INTS14: variants seen among roughly 807,000 people sequenced by gnomAD.
The protein encoded by INTS14 is UPF0464 protein C15orf44.
In INTS14, 27 loss-of-function variants were observed where a neutral mutation model predicts 56.9. The ratio of observed to expected loss-of-function variants is 0.47; its 90% CI spans 0.35 to 0.65. INTS14 has a LOEUF of 0.65. Among genes scored for constraint, INTS14 ranks in the 30% least tolerant of loss-of-function variants. The pLI is 0.00. For missense variants in INTS14, 517 were observed against 632.2 expected (o/e 0.82, Z 1.95); for synonymous variants, 207 against 236.2 (o/e 0.88, Z 1.13).
At chr15:65,582,380 T>C (rs34571450) in intron 10 of INTS14, among the ~76,000 whole-genome samples, 31,249 of 152,088 alleles carry the variant, frequency 0.21, 4,266 homozygotes, top group East Asian at 0.73. Flanking sequence ...AAGAATAAAG[T>C]TGGACCCTTA....
chr15:65,592,857 T>C (rs2073077624), intron 8 of INTS14, among the ~76,000 whole-genome samples: 1 of 151,858 alleles, frequency 6.6e-6, no homozygotes, highest in Non-Finnish European at 1.5e-5. Context: ...GTATTCTAGA[T>C]AGGATTAGAA....
chr15:65,579,524 G>C lies in INTS14; in HGVS notation c.1441C>G (p.His481Asp). ...AHPDAAFQLTHAAQQLKLAST... is the reference protein window; with the variant it reads ...AHPDAAFQLTDAAQQLKLAST... ...GCCAGCTTGAGCTGCTGGGCAGCAT[G>C]GGTCAGCTGGAATGCAGCATCAGGG... Residue 481 changes from histidine to aspartate, a missense_variant, in exon 12 of 12, where the codon CAT becomes GAT. Transcript: ENST00000313182. The C allele has an allele frequency of 1.2e-6, 2 of 1,614,222 alleles. No individual in the cohort carries two copies. The highest frequency in any genetic ancestry group is 1.7e-6 in the Non-Finnish European group (2 of 1,180,036).
At chr15:65,583,604 A>G (rs1176245850) in intron 10 of INTS14, among the ~76,000 whole-genome samples, 3 of 152,150 alleles carry the variant, frequency 2.0e-5, no homozygotes, top group African/African-American at 7.2e-5. Flanking sequence ...GGAACTAGAG[A>G]GTGGTGATGG....
At chr15:65,584,711 G>T in intron 10 of INTS14, 59 bp downstream of exon 10, 2 of 1,405,588 alleles carry the variant, frequency 1.4e-6, no homozygotes, top group Non-Finnish European at 2.0e-6. Flanking sequence ...TAAAATGCCT[G>T]CCTGCCTACC....
At chr15:65,598,553 G>A (rs181735936) in intron 5 of INTS14, 90 bp from the exon 6 acceptor site, 14 of 1,345,590 alleles carry the variant, frequency 1.0e-5, no homozygotes, top group South Asian at 1.5e-5. Flanking sequence ...TTCCTTTCAA[G>A]TTGGTTCCAA....
chr15:65,610,233 G>A (rs907678479), intron 1 of INTS14, among the ~76,000 whole-genome samples: 1 of 152,118 alleles, frequency 6.6e-6, no homozygotes, highest in Admixed American at 6.5e-5. Context: ...GGTGGCGTGC[G>A]CCTGTGGTTC....
chr15:65,590,786 T>G (rs1485093508), intron 9 of INTS14, among the ~76,000 whole-genome samples: 1 of 152,172 alleles, frequency 6.6e-6, no homozygotes, highest in Non-Finnish European at 1.5e-5. Flanking sequence ...GGTTGCTTGG[T>G]AGATGTTCCT....
chr15:65,596,728 G>A (rs1310226887), intron 6 of INTS14, among the ~76,000 whole-genome samples: 1 of 152,038 alleles, frequency 6.6e-6, no homozygotes, highest in Non-Finnish European at 1.5e-5. Context: ...GTGCCACCAC[G>A]CCTGGCTAAT....
intron 9 of INTS14, among the ~76,000 whole-genome samples, chr15:65,587,335 G>A (rs1251144789): frequency 6.6e-6 from 1 of 151,660 alleles, no homozygotes; most frequent in Non-Finnish European, 1.5e-5. Context: ...GCAGGAGGAT[G>A]GGAGATGACG....
chr15:65,596,933 T>C lies in INTS14; in HGVS notation c.749-1108A>G, dbSNP rs182492707. ...GTCCATACCTCCCTTAGCTGAGTAA[T>C]AAATGCATTAGTATAAGCAGCTAGA... On this transcript the variant is annotated intron_variant, in intron 6 of 11. Coordinates refer to ENST00000313182, the MANE Select transcript of INTS14 (RefSeq NM_001394796.1). 1.3e-4 allele frequency among the ~76,000 whole-genome samples: 20 copies of C among 152,264 alleles called. No individual in the cohort carries two copies. The East Asian group carries it at 2.9e-3, about 22-fold the overall frequency.
chr15:65,579,696 T>C (rs2072516561), intron 11 of INTS14, 37 bp from the exon 12 acceptor site: 1 of 1,599,124 alleles, frequency 6.3e-7, no homozygotes, highest in East Asian at 2.2e-5. Flanking sequence ...GCTCCTGAAA[T>C]GTGTTCCTAA....
chr15:65,584,076 A>G (rs1259623095), intron 10 of INTS14, among the ~76,000 whole-genome samples: 1 of 152,250 alleles, frequency 6.6e-6, no homozygotes, highest in East Asian at 1.9e-4. Context: ...TTTTAAAAAC[A>G]GGTATAAATG....
In INTS14 at chr15:65,603,715, C is replaced by T. The variant is rs541258262; in HGVS notation, c.330+1414G>A. On this transcript the variant is annotated intron_variant, in intron 3 of 11. Coordinates refer to ENST00000313182, the MANE Select transcript of INTS14 (RefSeq NM_001394796.1). ...ATAATGAAAAGTCACACACCAGGGT[C>T]CAGCCAACCATGGCCCACAGGCTAA... 3.8e-4 allele frequency among the ~76,000 whole-genome samples: 58 copies of T among 152,250 alleles called. No individual in the cohort carries two copies. In the South Asian group the frequency reaches 5.0e-3, roughly 13 times the overall value.
At chr15:65,601,633 G>A (rs542929268) in intron 3 of INTS14, among the ~76,000 whole-genome samples, 1 of 152,170 alleles carries the variant, frequency 6.6e-6, no homozygotes, top group Admixed American at 6.5e-5. Context: ...GAGCCACCGC[G>A]CCCGGCCCTT....
intron 9 of INTS14, among the ~76,000 whole-genome samples, chr15:65,588,367 T>C (rs1192515559): frequency 6.7e-6 from 1 of 150,360 alleles, no homozygotes; most frequent in Non-Finnish European, 1.5e-5. Flanking sequence ...CCTATATTAT[T>C]TAGAAATGTA....
chr15:65,611,051 C>G, intron 1 of INTS14, 47 bp downstream of exon 1: 1 of 1,535,494 alleles, frequency 6.5e-7, no homozygotes, highest in South Asian at 1.2e-5. Context: ...CCTGTAACCC[C>G]AACAAGCAGC....
chr15:65,599,650 C>T (rs1596258598), intron 4 of INTS14, 124 bp downstream of exon 4: 1 of 1,075,116 alleles, frequency 9.3e-7, no homozygotes, highest in African/African-American at 1.6e-5. Context: ...ATACCAGCCT[C>T]AGCTGAAACC....
At chr15:65,584,739 C>A in intron 10 of INTS14, 31 bp downstream of exon 10, 1 of 1,593,588 alleles carries the variant, frequency 6.3e-7, no homozygotes, top group Non-Finnish European at 8.6e-7. Context: ...CTCCTGTCCC[C>A]AGTGGAAAGC....
At chr15:65,605,856 T>A (rs1473900671) in intron 2 of INTS14, among the ~76,000 whole-genome samples, 2 of 152,096 alleles carry the variant, frequency 1.3e-5, no homozygotes, top group African/African-American at 4.8e-5. Flanking sequence ...TGTAAGAAAG[T>A]CAGCATATAT....
Sources: gnomAD v4.1 joint callset for allele counts (sites outside exome capture counted in the v4.1 genomes callset) on GRCh38, gnomAD v4.1.1 for gene constraint, MANE v1.5 for transcripts, NCBI Gene and HGNC (gene_info 2026-07-23, HGNC 2026-07-21) for gene names.